The following ARHGAP26 variants were observed in gnomAD, a reference collection of about 807,000 sequenced individuals.
The protein encoded by ARHGAP26 is rho GTPase-activating protein 26.
Under a neutral mutation model 104.8 loss-of-function variants are expected in ARHGAP26, and 38 were observed. The ratio of observed to expected loss-of-function variants is 0.36; its 90% CI spans 0.28 to 0.48. ARHGAP26 has a LOEUF of 0.48. Among genes scored for constraint, ARHGAP26 ranks in the 20% least tolerant of loss-of-function variants. The pLI, the probability that ARHGAP26 is intolerant of heterozygous loss-of-function variation, is 0.99. For missense variants in ARHGAP26, 704 were observed against 947.9 expected, an observed-to-expected ratio of 0.74 and a Z score of 3.38; for synonymous variants, 341 against 340.0, an observed-to-expected ratio of 1.00 and a Z score of -0.03.
intron 20 of ARHGAP26, chr5:143,202,656 T>C (rs1807941067): frequency 6.6e-6 from 1 of 152,106 alleles, no homozygotes; most frequent in African/African-American, 2.4e-5. Flanking sequence ...GGAGGGAACA[T>C]GCTACCTGGA....
chr5:142,919,999 C>T (rs750339404), intron 10 of ARHGAP26, among the ~76,000 whole-genome samples: 1 of 152,136 alleles, frequency 6.6e-6, no homozygotes, highest in Non-Finnish European at 1.5e-5. Context: ...GAGACTCCAT[C>T]TCAGTAAAAT....
rs1811706397 is a variant in ARHGAP26 at position 143,226,655 on chromosome 5, G to C, written c.*4209G>C. 4.6e-6 allele frequency: 1 copy of C among 215,720 alleles called. No homozygotes were observed. Among genetic ancestry groups the C allele is most frequent in the Non-Finnish European group, 9.3e-6 (1 of 107,178 alleles). The allele number at this position is 215,720 out of a possible 1,614,324, so 13.4% of individuals were successfully genotyped here. On this transcript the variant is annotated 3_prime_UTR_variant, in exon 23 of 23. Coordinates refer to ENST00000645722, the MANE Select transcript of ARHGAP26 (RefSeq NM_001135608.3). ...ACCCTGTGCATTGTGGCCTGCCTTG[G>C]TGTCCTAGAATTGGAGCCAGTCTTT...
At chr5:142,962,101 G>A (rs950431991) in intron 11 of ARHGAP26, among the ~76,000 whole-genome samples, 2 of 152,060 alleles carry the variant, frequency 1.3e-5, no homozygotes, top group Non-Finnish European at 2.9e-5. Context: ...TGCGAGTGGC[G>A]AAAAAATGGA....
chr5:142,844,043 A>G (rs1376513655), intron 1 of ARHGAP26, among the ~76,000 whole-genome samples: 2 of 150,550 alleles, frequency 1.3e-5, no homozygotes, highest in Non-Finnish European at 2.9e-5. Context: ...CATGTGAGCT[A>G]AAAGTGAGTT....
chr5:142,906,178 G>A (rs1761076865), intron 8 of ARHGAP26, among the ~76,000 whole-genome samples: 1 of 152,192 alleles, frequency 6.6e-6, no homozygotes, highest in Admixed American at 6.5e-5. Context: ...CACATGTGGT[G>A]TCGACCTGCC....
At chr5:142,800,907 T>A (rs139801306) in intron 1 of ARHGAP26, among the ~76,000 whole-genome samples, 161 of 152,300 alleles carry the variant, frequency 1.1e-3, no homozygotes, top group African/African-American at 3.6e-3. Context: ...GGTTCATTTT[T>A]TGTTCCAGTC....
chr5:142,933,253 C>A (rs773727842), intron 11 of ARHGAP26, among the ~76,000 whole-genome samples: 2 of 152,182 alleles, frequency 1.3e-5, no homozygotes, highest in Non-Finnish European at 2.9e-5. Context: ...CTAGCATTAT[C>A]TACCATTTGT....
chr5:142,952,026 A>G (rs1267545284), intron 11 of ARHGAP26, among the ~76,000 whole-genome samples: 2 of 152,100 alleles, frequency 1.3e-5, no homozygotes, highest in South Asian at 2.1e-4. Flanking sequence ...TGGCTGTGTC[A>G]TTTCAGTTTC....
At position 142,898,005 on chromosome 5, in the gene ARHGAP26, A is replaced by G. The variant is rs78112827; in HGVS notation, c.597+3657A>G. Reference sequence around the variant, plus strand: ...CAGTCATGTAAGGGACCTCTATGCAAATCGACCGTGTTCATTTGTTTCTTG... The same window carrying G: ...CAGTCATGTAAGGGACCTCTATGCAGATCGACCGTGTTCATTTGTTTCTTG... On this transcript the variant is annotated intron_variant, in intron 6 of 22. Transcript: ENST00000645722. Among the ~76,000 whole-genome samples the G allele has an allele frequency of 8.5e-3, 1,294 of 152,276 alleles. 8 individuals carry two copies. The highest frequency in any genetic ancestry group is 0.013 in the Non-Finnish European group (918 of 68,010).
chr5:142,839,182 G>A (rs1770220534), intron 1 of ARHGAP26, among the ~76,000 whole-genome samples: 1 of 152,174 alleles, frequency 6.6e-6, no homozygotes, highest in Admixed American at 6.5e-5. Context: ...TACAAAGTGA[G>A]TTTGAGATGA....
At chr5:142,824,292 C>T (rs563366355) in intron 1 of ARHGAP26, among the ~76,000 whole-genome samples, 3 of 152,202 alleles carry the variant, frequency 2.0e-5, no homozygotes, top group South Asian at 4.1e-4. Context: ...TGGGCAAAAT[C>T]GGAATATTAA....
intron 1 of ARHGAP26, chr5:142,772,703 A>G (rs1755468240): frequency 1.9e-6 from 1 of 528,718 alleles, no homozygotes; most frequent in South Asian, 1.4e-5. Flanking sequence ...GAGCTTTTGA[A>G]TCCACCTGGT....
At chr5:142,890,067 C>T (rs1361168515) in intron 5 of ARHGAP26, among the ~76,000 whole-genome samples, 5 of 141,668 alleles carry the variant, frequency 3.5e-5, no homozygotes, top group African/African-American at 1.3e-4. Flanking sequence ...ACCTGGGAGG[C>T]GGAGGTTGCG....
At position 143,172,967 on chromosome 5, in the gene ARHGAP26, C is replaced by A. The variant is rs147646763; in HGVS notation, c.1988+25586C>A. On this transcript the variant is annotated intron_variant, in intron 20 of 22. Transcript: ENST00000645722. ...AATTCTTGTCTCCATAGGGTTCATG[C>A]GAGTTCAGCAAGCAGTTACCATGTC... is the stretch of plus-strand genomic sequence containing the variant. 4 of 180,272 alleles carry A rather than the reference C, an allele frequency of 2.2e-5. No individual in the cohort carries two copies. The South Asian group carries it at 7.9e-4, about 36-fold the overall frequency. 11.2% of individuals were successfully genotyped at this position (180,272 alleles called of 1,614,324 possible).
At chr5:142,858,060 T>C (rs376876825) in intron 1 of ARHGAP26, among the ~76,000 whole-genome samples, 177 of 128,880 alleles carry the variant, frequency 1.4e-3, no homozygotes, top group African/African-American at 5.7e-3. Flanking sequence ...AGAGAGAGAA[T>C]CTGTGTGTGT....
At chr5:142,933,810 G>A (rs909050619) in intron 11 of ARHGAP26, among the ~76,000 whole-genome samples, 2 of 152,200 alleles carry the variant, frequency 1.3e-5, no homozygotes, top group African/African-American at 4.8e-5. Flanking sequence ...GAGGAGAAAG[G>A]ATACTGTGAA....
intron 11 of ARHGAP26, among the ~76,000 whole-genome samples, chr5:142,965,172 C>T (rs1489375912): frequency 6.6e-6 from 1 of 152,172 alleles, no homozygotes. Context: ...GAAGGCAGAG[C>T]CAGGTGTACA....
intron 18 of ARHGAP26, among the ~76,000 whole-genome samples, chr5:143,128,356 C>T (rs1325503034): frequency 6.6e-6 from 1 of 152,172 alleles, no homozygotes; most frequent in Non-Finnish European, 1.5e-5. Flanking sequence ...TGGAAAATCA[C>T]AGCTCTCCAT....
intron 19 of ARHGAP26, 121 bp downstream of exon 19, chr5:143,134,226 A>C (rs1420180465): frequency 1.6e-6 from 2 of 1,221,898 alleles, no homozygotes; most frequent in Non-Finnish European, 1.1e-6. Context: ...GTCCTTGAAG[A>C]CTGTATCATT....
Sources: allele counts gnomAD v4.1 joint callset (sites outside exome capture counted in the v4.1 genomes callset), GRCh38; gene constraint gnomAD v4.1.1; transcripts MANE v1.5; gene names NCBI Gene and HGNC (gene_info 2026-07-23, HGNC 2026-07-21).